Variants in DNAH9 observed in about 807,000 individuals in gnomAD.
DNAH9 encodes dynein axonemal heavy chain 9, also known as DNAH9 variant protein.
DNAH9 carries 345 observed loss-of-function variants against 471.6 expected under a neutral mutation model. The observed-to-expected ratio is 0.73, with a 90% confidence interval of 0.67 to 0.80. DNAH9 has a LOEUF of 0.80. Among genes scored for constraint, DNAH9 ranks in the 30% least tolerant of loss-of-function variants. The pLI, the probability that DNAH9 is intolerant of heterozygous loss-of-function variation, is 0.00. For synonymous variants in DNAH9, 2,093 were observed against 2,123.6 expected, an observed-to-expected ratio of 0.99 and a Z score of 0.40; for missense variants, 5,407 against 5,609.2, an observed-to-expected ratio of 0.96 and a Z score of 1.15.
intron 50 of DNAH9, among the ~76,000 whole-genome samples, chr17:11,868,489 T>G (rs560797172): frequency 6.2e-4 from 95 of 152,268 alleles, no homozygotes; most frequent in African/African-American, 1.9e-3. Context: ...TGAAATTATG[T>G]CTTTTTTATG....
chr17:11,714,740 G>T (rs1373821309), intron 26 of DNAH9, among the ~76,000 whole-genome samples: 1 of 152,166 alleles, frequency 6.6e-6, no homozygotes, highest in Non-Finnish European at 1.5e-5. Flanking sequence ...CAGATTTGAG[G>T]CATGAGAAGA....
At chr17:11,604,149 A>G (rs577805318) in intron 1 of DNAH9, among the ~76,000 whole-genome samples, 1 of 151,730 alleles carries the variant, frequency 6.6e-6, no homozygotes, top group South Asian at 2.1e-4. Context: ...CAGCCTCCCG[A>G]GTAGCTAAGA....
intron 28 of DNAH9, among the ~76,000 whole-genome samples, chr17:11,733,424 A>C (rs1427437168): frequency 1.3e-5 from 2 of 152,250 alleles, no homozygotes; most frequent in African/African-American, 4.8e-5. Flanking sequence ...CTCTGTGATC[A>C]GCAGCTTCCA....
intron 67 of DNAH9, among the ~76,000 whole-genome samples, chr17:11,953,004 A>T (rs1427976289): frequency 1.3e-5 from 2 of 152,096 alleles, no homozygotes; most frequent in African/African-American, 4.8e-5. Context: ...AGAAAAGGGG[A>T]AAGTGGGAGA....
chr17:11,616,148 T>A (rs1487969284), intron 4 of DNAH9, among the ~76,000 whole-genome samples: 1 of 152,114 alleles, frequency 6.6e-6, no homozygotes, highest in Non-Finnish European at 1.5e-5. Flanking sequence ...GGATTGGTTG[T>A]TTCATGGGAG....
intron 28 of DNAH9, 104 bp downstream of exon 28, chr17:11,728,026 T>A (rs969524561): frequency 2.7e-6 from 2 of 737,958 alleles, no homozygotes; most frequent in Admixed American, 4.4e-5. Flanking sequence ...ACGTCCCTTT[T>A]TCCCTTGTCA....
intron 49 of DNAH9, among the ~76,000 whole-genome samples, chr17:11,846,413 A>G (rs77845951): frequency 4.0e-5 from 6 of 151,542 alleles, no homozygotes; most frequent in Middle Eastern, 3.4e-3. Context: ...TAGCCTTGTA[A>G]TATAGTTTGA....
chr17:11,812,048 T>C (rs1186300360), intron 45 of DNAH9, among the ~76,000 whole-genome samples: 2,511 of 78,994 alleles, frequency 0.032, 315 homozygotes, highest in African/African-American at 0.053. Context: ...TATATATATA[T>C]ATATATACAC....
At chr17:11,676,123 A>G (rs1290589962) in intron 17 of DNAH9, among the ~76,000 whole-genome samples, 1 of 152,060 alleles carries the variant, frequency 6.6e-6, no homozygotes, top group African/African-American at 2.4e-5. Flanking sequence ...GAAGTTTTCT[A>G]TTCCTTCGTA....
chr17:11,699,467 T>G (rs1367549215), intron 22 of DNAH9, among the ~76,000 whole-genome samples: 1 of 152,206 alleles, frequency 6.6e-6, no homozygotes, highest in Non-Finnish European at 1.5e-5. Context: ...CCAATCCAAA[T>G]TTAGTCAAAC....
At position 11,942,309 on chromosome 17, in the gene DNAH9, G is replaced by T; in HGVS notation, c.12667G>T (p.Ala4223Ser). 6.2e-7 allele frequency: 1 copy of T among 1,613,934 alleles called. No homozygotes were observed. Among genetic ancestry groups the T allele is most frequent in the Non-Finnish European group, 8.5e-7 (1 of 1,179,880 alleles). ...AGATREEKVK[A>S]LLEEILERVT... The stretch of plus-strand genomic sequence containing the variant: ...GTTTCCTTCTGTGGGGCAGGTCAAG[G>T]CACTTCTGGAAGAAATATTGGAGCG... Residue 4223 changes from alanine to serine, a missense_variant, in exon 67 of 69, where the codon GCA (alanine) becomes TCA (serine). By Grantham distance (99) the Ala-to-Ser change is moderately conservative. This residue lies in a region of DNAH9 where 4,636 missense variants were observed against 4,900.3 expected (regional missense o/e 0.95). Transcript: ENST00000262442.
chr17:11,961,720 C>T (rs1404085366), intron 67 of DNAH9, 147 bp from the exon 68 acceptor site: 3 of 987,432 alleles, frequency 3.0e-6, no homozygotes, highest in East Asian at 2.4e-5. Context: ...GTGTCACCTA[C>T]CCCTGGAGTT....
intron 57 of DNAH9, among the ~76,000 whole-genome samples, chr17:11,890,851 G>A (rs907716539): frequency 9.2e-5 from 14 of 152,000 alleles, no homozygotes; most frequent in African/African-American, 2.2e-4. Flanking sequence ...CACCATGCCC[G>A]GACAATTTAA....
chr17:11,806,674 A>G (rs1307805679), intron 43 of DNAH9, among the ~76,000 whole-genome samples: 1 of 152,228 alleles, frequency 6.6e-6, no homozygotes, highest in East Asian at 1.9e-4. Context: ...GTATGTACAT[A>G]TATATTTATA....
chr17:11,636,632 A>G lies in DNAH9; in HGVS notation c.1636-2A>G. ...CCTCTTTTTCCTCCACCTTCCCTACAGCTGCTAGACATAGCAGGAAACCTC... is the reference window on the plus strand; with the variant it reads ...CCTCTTTTTCCTCCACCTTCCCTACGGCTGCTAGACATAGCAGGAAACCTC... On this transcript the variant is annotated splice_acceptor_variant, in intron 8 of 68. Transcript: ENST00000262442. LOFTEE classifies it high-confidence loss of function. 6.2e-7 allele frequency: 1 copy of G among 1,612,506 alleles called. No homozygotes were observed. Among genetic ancestry groups the G allele is most frequent in the South Asian group, 1.1e-5 (1 of 90,972 alleles).
intron 66 of DNAH9, among the ~76,000 whole-genome samples, chr17:11,941,111 CAT>C (rs1160958969): frequency 6.6e-6 from 1 of 152,128 alleles, no homozygotes; most frequent in African/African-American, 2.4e-5. Flanking sequence ...TCCTGGGAAA[CAT>C]AATCTGATTG....
intron 48 of DNAH9, among the ~76,000 whole-genome samples, chr17:11,825,205 T>G (rs923754464): frequency 6.6e-6 from 1 of 151,886 alleles, no homozygotes; most frequent in South Asian, 2.1e-4. Flanking sequence ...TCTTTTCTCC[T>G]GATCACTTTC....
intron 61 of DNAH9, among the ~76,000 whole-genome samples, chr17:11,917,158 GT>G (rs1425795824): frequency 6.6e-6 from 1 of 151,958 alleles, no homozygotes; most frequent in Non-Finnish European, 1.5e-5. Flanking sequence ...TGTTTTGTTT[GT>G]TTTGTTTTTT....
chr17:11,962,066 GCTT>G lies in DNAH9; in HGVS notation c.13048_13050del (p.Phe4350del). 1 of 1,614,194 alleles carries G rather than the reference GCTT, an allele frequency of 6.2e-7. No homozygotes were observed. The highest frequency in any genetic ancestry group is 1.1e-5 in the South Asian group (1 of 91,084). The stretch of plus-strand genomic sequence containing the variant: ...ATGCCCTCCACTGTGTGGCTGACAG[GCTT>G]CTTCAACCCCCAGTCGTTCCTGACT... On this transcript the variant is annotated inframe_deletion, in exon 68 of 69. Transcript: ENST00000262442. This position sits in a 1 kb window ranked among gnomAD's most constrained non-coding sequence, Gnocchi z 4.1.
Sources: gnomAD v4.1 joint callset for allele counts (sites outside exome capture counted in the v4.1 genomes callset) on GRCh38, gnomAD v4.1.1 for gene constraint, gnomAD v4.1.1 regional missense constraint, Gnocchi (gnomAD v3.1) non-coding constraint, MANE v1.5 for transcripts, NCBI Gene and HGNC (gene_info 2026-07-23, HGNC 2026-07-21) for gene names.